SPAG16: variants seen among roughly 807,000 people sequenced by gnomAD.
SPAG16 encodes sperm associated antigen 16, also known as sperm-associated antigen 16 protein.
SPAG16 carries 86 observed loss-of-function variants against 80.4 expected under a neutral mutation model. That is an observed-to-expected ratio of 1.07 (90% CI 0.90 to 1.28). SPAG16 has a LOEUF of 1.28. Among genes scored for constraint, SPAG16 ranks in the 50% most tolerant of loss-of-function variants. The pLI is 0.00. For missense variants in SPAG16, 870 were observed against 765.3 expected (o/e 1.14, Z -1.61); for synonymous variants, 294 against 265.9 (o/e 1.11, Z -1.03).
intron 13 of SPAG16, among the ~76,000 whole-genome samples, chr2:214,080,843 G>C (rs959113584): frequency 9.9e-5 from 15 of 151,722 alleles, no homozygotes; most frequent in Non-Finnish European, 1.8e-4. Flanking sequence ...AGAATCACAT[G>C]GTTCTCAAAT....
At chr2:214,080,560 ATCAC>A (rs1233287652) in intron 13 of SPAG16, among the ~76,000 whole-genome samples, 1 of 150,824 alleles carries the variant, frequency 6.6e-6, no homozygotes, top group Non-Finnish European at 1.5e-5. Context: ...GTGAGCTGAG[ATCAC>A]GCCTCTGCAC....
Position 213,827,148 on chromosome 2 carries a change from C to T in SPAG16, c.1071-35337C>T, listed in dbSNP as rs991127191. On this transcript the variant is annotated intron_variant, in intron 10 of 15. Coordinates refer to ENST00000331683, the MANE Select transcript of SPAG16 (RefSeq NM_024532.5). ...TTATTTTCTCATCAATTTAGCCACT[C>T]TATGTCTTTTAATTGGAGAGTTTAG... 3.9e-5 allele frequency among the ~76,000 whole-genome samples: 6 copies of T among 152,036 alleles called. 1 individual carries two copies. In the South Asian group the frequency reaches 1.2e-3, roughly 32 times the overall value.
intron 15 of SPAG16, among the ~76,000 whole-genome samples, chr2:214,269,381 A>T (rs1025348670): frequency 2.0e-5 from 3 of 152,022 alleles, no homozygotes; most frequent in Admixed American, 2.0e-4. Context: ...TGATCTTTGG[A>T]CATATGCCTA....
chr2:214,020,009 A>G (rs1341283555), intron 13 of SPAG16, among the ~76,000 whole-genome samples: 1 of 152,212 alleles, frequency 6.6e-6, no homozygotes, highest in Non-Finnish European at 1.5e-5. Context: ...TTGATGGTTA[A>G]CACTTATTGA....
chr2:214,323,954 C>T (rs1388588038), intron 15 of SPAG16, among the ~76,000 whole-genome samples: 1 of 152,102 alleles, frequency 6.6e-6, no homozygotes, highest in Non-Finnish European at 1.5e-5. Flanking sequence ...GATCCATAAG[C>T]ACTTTTTATT....
chr2:214,208,919 A>G (rs1419631584), intron 15 of SPAG16, among the ~76,000 whole-genome samples: 1 of 152,202 alleles, frequency 6.6e-6, no homozygotes, highest in Non-Finnish European at 1.5e-5. Context: ...GCACATAGTA[A>G]ACTTTCAGTA....
intron 10 of SPAG16, among the ~76,000 whole-genome samples, chr2:213,707,616 A>G (rs2065814746): frequency 6.6e-6 from 1 of 151,950 alleles, no homozygotes. Context: ...GTGTATATGT[A>G]TATATGTCAT....
At chr2:213,986,152 A>C (rs2106434533) in intron 12 of SPAG16, among the ~76,000 whole-genome samples, 1 of 152,200 alleles carries the variant, frequency 6.6e-6, no homozygotes, top group South Asian at 2.1e-4. Context: ...GTTATATGGA[A>C]AGATTTCAAA....
At chr2:214,058,690 T>C (rs913276118) in intron 13 of SPAG16, among the ~76,000 whole-genome samples, 2 of 152,010 alleles carry the variant, frequency 1.3e-5, no homozygotes, top group Admixed American at 6.6e-5. Flanking sequence ...TAAAGCAAAG[T>C]ACAATAAAAT....
intron 6 of SPAG16, among the ~76,000 whole-genome samples, chr2:213,346,944 A>T (rs916990915): frequency 8.5e-5 from 13 of 152,122 alleles, no homozygotes; most frequent in African/African-American, 2.9e-4. Context: ...TGATTGGAAT[A>T]GTTTTAGAAG....
At chr2:213,530,006 CT>C (rs2076016448) in intron 10 of SPAG16, among the ~76,000 whole-genome samples, 1 of 152,168 alleles carries the variant, frequency 6.6e-6, no homozygotes. Context: ...TTTTGTCCCA[CT>C]GGACGATCTT....
At chr2:213,397,836 T>G (rs1387046462) in intron 9 of SPAG16, among the ~76,000 whole-genome samples, 1 of 152,198 alleles carries the variant, frequency 6.6e-6, no homozygotes, top group Non-Finnish European at 1.5e-5. Flanking sequence ...TCTTATGGCT[T>G]TAAATTCTGC....
At chr2:213,627,804 A>C (rs2125071673) in intron 10 of SPAG16, among the ~76,000 whole-genome samples, 1 of 152,342 alleles carries the variant, frequency 6.6e-6, no homozygotes, top group South Asian at 2.1e-4. Flanking sequence ...CTTAAGCCTC[A>C]AAAATTGCAT....
intron 9 of SPAG16, among the ~76,000 whole-genome samples, chr2:213,408,065 G>A (rs2068761085): frequency 6.7e-6 from 1 of 150,234 alleles, no homozygotes; most frequent in Admixed American, 6.6e-5. Context: ...GAGAGGGAGA[G>A]GCAGGAGAGA....
rs369202680 is a variant in SPAG16 at position 214,286,819 on chromosome 2, A to G, written c.1721-123321A>G. Among the ~76,000 whole-genome samples, 10 of 152,330 alleles carry G rather than the reference A, an allele frequency of 6.6e-5. No homozygotes were observed. In the South Asian group the frequency reaches 1.2e-3, roughly 19 times the overall value. On this transcript the variant is annotated intron_variant, in intron 15 of 15. Coordinates refer to ENST00000331683, the MANE Select transcript of SPAG16 (RefSeq NM_024532.5). Reference sequence around the variant, plus strand: ...TGTTCTGATATTCTCTGGCTGCATTAGAATCACTAAAAATGATTGACCTAT... The same window carrying G: ...TGTTCTGATATTCTCTGGCTGCATTGGAATCACTAAAAATGATTGACCTAT...
intron 9 of SPAG16, among the ~76,000 whole-genome samples, chr2:213,473,419 G>A (rs1028062702): frequency 5.3e-5 from 8 of 152,184 alleles, no homozygotes; most frequent in South Asian, 2.1e-4. Flanking sequence ...TCAAAGATGC[G>A]GGTGCTATCC....
intron 12 of SPAG16, among the ~76,000 whole-genome samples, chr2:213,950,168 A>C (rs2079676371): frequency 6.6e-6 from 1 of 152,180 alleles, no homozygotes; most frequent in African/African-American, 2.4e-5. Flanking sequence ...ACATTATTTC[A>C]AAGAAAAGGT....
intron 10 of SPAG16, among the ~76,000 whole-genome samples, chr2:213,506,212 T>C (rs1454734759): frequency 4.6e-5 from 7 of 152,064 alleles, no homozygotes; most frequent in Non-Finnish European, 1.0e-4. Context: ...GATGAGAAGA[T>C]AGTTCTTGAT....
chr2:213,322,977 G>A (rs2063687609), intron 5 of SPAG16, among the ~76,000 whole-genome samples: 1 of 152,160 alleles, frequency 6.6e-6, no homozygotes, highest in East Asian at 1.9e-4. Flanking sequence ...GCCTTTGCTA[G>A]AAACTTGCTT....
Sources: allele counts gnomAD v4.1 joint callset (sites outside exome capture counted in the v4.1 genomes callset), GRCh38; gene constraint gnomAD v4.1.1; transcripts MANE v1.5; gene names NCBI Gene and HGNC (gene_info 2026-07-23, HGNC 2026-07-21).